Variants in PPFIBP2 observed in about 807,000 individuals in gnomAD.
PPFIBP2 encodes the protein liprin-beta-2.
A neutral mutation model predicts 118.3 loss-of-function variants in PPFIBP2; 118 were observed. That is an observed-to-expected ratio of 1.00 (90% CI 0.86 to 1.16). The LOEUF is 1.16. PPFIBP2 is among the 50% of genes most tolerant of loss of function. The probability of loss-of-function intolerance (pLI) is 0.00; values close to 1 mark genes in which losing one functional copy is unlikely to be tolerated. For synonymous variants in PPFIBP2, 414 were observed against 397.4 expected, an observed-to-expected ratio of 1.04 and a Z score of -0.50; for missense variants, 1,195 against 1,073.1, an observed-to-expected ratio of 1.11 and a Z score of -1.59.
chr11:7,593,306 G>A, intron 4 of PPFIBP2, 82 bp downstream of exon 4: 1 of 1,508,790 alleles, frequency 6.6e-7, no homozygotes, highest in African/African-American at 1.4e-5. Context: ...AAGCCCAAGA[G>A]ATTTTCTCTG....
chr11:7,646,489 G>T (rs964189535), intron 17 of PPFIBP2, among the ~76,000 whole-genome samples: 1 of 152,224 alleles, frequency 6.6e-6, no homozygotes, highest in African/African-American at 2.4e-5. Context: ...TCAACCGTCT[G>T]TTGTCATAGA....
chr11:7,602,087 CAAAAAAAAAAAAA>C lies in PPFIBP2; in HGVS notation c.486+4426_486+4438del, dbSNP rs201003988. 0.012 allele frequency among the ~76,000 whole-genome samples: 679 copies of C among 56,228 alleles called. 28 individuals carry two copies. In the East Asian group the frequency reaches 0.19, roughly 16 times the overall value. 36.9% of individuals were successfully genotyped at this position (56,228 alleles called of 152,430 possible). ...CAGCCTGGGCAACAAGAATGAAACT[CAAAAAAAAAAAAA>C]AAAAAAAAAAAGAAGAGTCATTTCT... On this transcript the variant is annotated intron_variant, in intron 5 of 23. Coordinates refer to ENST00000299492, the MANE Select transcript of PPFIBP2 (RefSeq NM_003621.5).
chr11:7,551,023 C>T (rs747917254), intron 2 of PPFIBP2, among the ~76,000 whole-genome samples: 7 of 151,888 alleles, frequency 4.6e-5, no homozygotes, highest in South Asian at 2.1e-4. Flanking sequence ...TAATAAACTC[C>T]CCTTTATATC....
the PPFIBP2 span, chr11:7,666,572 A>G: frequency 6.3e-7 from 1 of 1,578,798 alleles, no homozygotes; most frequent in Admixed American, 1.7e-5. Context: ...GCAACACTGA[A>G]AAAGCCCCTC....
chr11:7,540,564 G>A (rs1224066048), intron 1 of PPFIBP2, among the ~76,000 whole-genome samples: 2 of 152,134 alleles, frequency 1.3e-5, no homozygotes, highest in African/African-American at 2.4e-5. Context: ...CTGTTGTAGG[G>A]GAACATGCTG....
chr11:7,592,259 T>A (rs1367517122), intron 3 of PPFIBP2, among the ~76,000 whole-genome samples: 1 of 152,116 alleles, frequency 6.6e-6, no homozygotes, highest in African/African-American at 2.4e-5. Context: ...TGACATTAGC[T>A]CCTTCTCTCC....
chr11:7,664,219 G>C, the PPFIBP2 span, among the ~76,000 whole-genome samples: 9 of 152,166 alleles, frequency 5.9e-5, no homozygotes, highest in Non-Finnish European at 1.3e-4. Flanking sequence ...AGTCTGAATA[G>C]GTTCCATGGA....
chr11:7,578,694 G>A (rs139418809), intron 3 of PPFIBP2, among the ~76,000 whole-genome samples: 2 of 152,332 alleles, frequency 1.3e-5, no homozygotes, highest in African/African-American at 4.8e-5. Context: ...GAAGACACGG[G>A]ACTGCTGTTT....
At chr11:7,560,945 A>G (rs950781166) in intron 2 of PPFIBP2, among the ~76,000 whole-genome samples, 5 of 152,212 alleles carry the variant, frequency 3.3e-5, no homozygotes, top group Admixed American at 1.3e-4. Context: ...AGAACTGCCC[A>G]TATAAGAACC....
At chr11:7,527,724 C>T (rs1247937210) in intron 1 of PPFIBP2, among the ~76,000 whole-genome samples, 2 of 152,094 alleles carry the variant, frequency 1.3e-5, no homozygotes, top group Non-Finnish European at 2.9e-5. Context: ...ACCAGAGTTG[C>T]CCGTTTCTAT....
intron 6 of PPFIBP2, among the ~76,000 whole-genome samples, chr11:7,613,703 G>T (rs1240263334): frequency 1.3e-5 from 2 of 152,204 alleles, no homozygotes; most frequent in East Asian, 3.9e-4. Context: ...AAGGCGTGTT[G>T]CTCAGATGGG....
intron 1 of PPFIBP2, among the ~76,000 whole-genome samples, chr11:7,545,421 C>T (rs113649521): frequency 0.018 from 2,706 of 152,298 alleles, 95 homozygotes; most frequent in African/African-American, 0.062. Flanking sequence ...CAGAGTGAGA[C>T]CCTGTCTCAA....
intron 6 of PPFIBP2, chr11:7,617,400 G>A (rs1345278904): frequency 1.4e-6 from 1 of 697,112 alleles, no homozygotes; most frequent in Admixed American, 6.3e-5. Flanking sequence ...GGCTTGGCAT[G>A]GATCTGTTGT....
intron 3 of PPFIBP2, 51 bp from the exon 4 acceptor site, chr11:7,593,081 A>G: frequency 1.2e-6 from 2 of 1,600,612 alleles, no homozygotes; most frequent in Non-Finnish European, 1.7e-6. Flanking sequence ...GAAGTTGGTA[A>G]GATGTTTTTC....
chr11:7,635,074 A>G (rs1851277389), intron 13 of PPFIBP2, among the ~76,000 whole-genome samples: 2 of 152,184 alleles, frequency 1.3e-5, no homozygotes, highest in African/African-American at 2.4e-5. Flanking sequence ...GGCTCCTTAT[A>G]TAGGAGTAGC....
At chr11:7,583,756 C>T (rs904645796) in intron 3 of PPFIBP2, among the ~76,000 whole-genome samples, 3 of 152,188 alleles carry the variant, frequency 2.0e-5, no homozygotes, top group Non-Finnish European at 4.4e-5. Flanking sequence ...ATCCCAGCCC[C>T]TTGGTTGGAG....
At chr11:7,622,453 T>G (rs1281586820) in intron 7 of PPFIBP2, among the ~76,000 whole-genome samples, 1 of 152,198 alleles carries the variant, frequency 6.6e-6, no homozygotes. Context: ...GTCTCTTAAT[T>G]TTTATTGTTG....
At chr11:7,666,623 AGCATACTCC>A in the PPFIBP2 span, 1 of 1,116,526 alleles carries the variant, frequency 9.0e-7, no homozygotes, top group Non-Finnish European at 1.3e-6. Context: ...TACACCGGTC[AGCATACTCC>A]TGGCCAAAGC....
chr11:7,584,792 T>C (rs937350072), intron 3 of PPFIBP2, among the ~76,000 whole-genome samples: 2 of 152,198 alleles, frequency 1.3e-5, no homozygotes, highest in African/African-American at 4.8e-5. Context: ...TCTAAGTTTC[T>C]AAAAGGGGTT....
Sources: allele counts gnomAD v4.1 joint callset (sites outside exome capture counted in the v4.1 genomes callset), GRCh38; gene constraint gnomAD v4.1.1; transcripts MANE v1.5; gene names NCBI Gene and HGNC (gene_info 2026-07-23, HGNC 2026-07-21).